HKDC1: variants seen among roughly 807,000 people sequenced by gnomAD.
HKDC1 encodes the protein hexokinase HKDC1.
A neutral mutation model predicts 96.6 loss-of-function variants in HKDC1; 66 were observed. The observed-to-expected ratio is 0.68, with a 90% CI of 0.56 to 0.84. The LOEUF (loss-of-function observed/expected upper bound fraction) is 0.84. Among genes scored for constraint, HKDC1 ranks in the 40% least tolerant of loss-of-function variants. HKDC1 has a pLI of 0.00. For synonymous variants in HKDC1, 466 were observed against 473.1 expected (o/e 0.98, Z 0.20); for missense variants, 1,211 against 1,208.1 (o/e 1.00, Z -0.04).
chr10:69,266,445 A>G (rs1205023220), intron 17 of HKDC1, among the ~76,000 whole-genome samples, 165 bp from the exon 18 acceptor site: 2 of 142,872 alleles, frequency 1.4e-5, no homozygotes, highest in African/African-American at 5.3e-5. Flanking sequence ...ACCCTGGGCA[A>G]CAGAGTGAGA....
intron 14 of HKDC1, 90 bp from the exon 15 acceptor site, chr10:69,258,686 A>G: frequency 7.4e-7 from 1 of 1,346,112 alleles, no homozygotes; most frequent in Non-Finnish European, 1.1e-6. Flanking sequence ...ATCTGACTCC[A>G]AGCTTAAATT....
intron 6 of HKDC1, among the ~76,000 whole-genome samples, chr10:69,241,410 C>T (rs1027361012): frequency 1.1e-4 from 16 of 152,082 alleles, no homozygotes; most frequent in East Asian, 5.8e-4. Context: ...GTAAGGTCAC[C>T]GGCTTATCCC....
chr10:69,252,410 C>A (rs1052533207), intron 12 of HKDC1, among the ~76,000 whole-genome samples: 1 of 152,064 alleles, frequency 6.6e-6, no homozygotes, highest in Non-Finnish European at 1.5e-5. Flanking sequence ...CTTTGGGAGG[C>A]CAAGACGGGT....
chr10:69,229,852 A>G (rs1168605424), intron 2 of HKDC1, among the ~76,000 whole-genome samples: 1 of 152,142 alleles, frequency 6.6e-6, no homozygotes, highest in Non-Finnish European at 1.5e-5. Flanking sequence ...TGTTCTTGGT[A>G]AATCCCGGCA....
At chr10:69,227,864 G>A (rs1372499460) in intron 2 of HKDC1, among the ~76,000 whole-genome samples, 1 of 152,176 alleles carries the variant, frequency 6.6e-6, no homozygotes, top group Non-Finnish European at 1.5e-5. Flanking sequence ...GAATGATGTA[G>A]TGGAAATCAC....
intron 16 of HKDC1, chr10:69,261,915 C>A: frequency 4.7e-6 from 1 of 211,708 alleles, no homozygotes. Flanking sequence ...TGGATTGCAG[C>A]ATTTAGCATT....
At chr10:69,262,974 G>A (rs1170157107) in intron 16 of HKDC1, among the ~76,000 whole-genome samples, 1 of 151,856 alleles carries the variant, frequency 6.6e-6, no homozygotes, top group African/African-American at 2.4e-5. Flanking sequence ...AGCACAAGGT[G>A]GTAACACTCT....
Position 69,240,750 on chromosome 10 carries a change from C to G in HKDC1, c.690C>G (p.Ile230Met). ...DDPYCEVGVI[I>M]GTGTNACYME... ...CCTACTGCGAAGTTGGTGTCATCATCGGTAACTCAATTGGACTGGTTTTTT... is the reference window on the plus strand; with the variant it reads ...CCTACTGCGAAGTTGGTGTCATCATGGGTAACTCAATTGGACTGGTTTTTT... Residue 230 changes from isoleucine (I) to methionine (M), a missense_variant and splice_region_variant, in exon 6 of 18, where the codon ATC (isoleucine) becomes ATG (methionine). Transcript: ENST00000354624. The G allele has an allele frequency of 6.2e-7, 1 of 1,611,886 alleles. No individual in the cohort carries two copies. Among genetic ancestry groups the G allele is most frequent in the Non-Finnish European group, 8.5e-7 (1 of 1,178,072 alleles).
intron 11 of HKDC1, 22 bp from the exon 12 acceptor site, chr10:69,250,511 G>A: frequency 5.0e-6 from 8 of 1,613,830 alleles, no homozygotes; most frequent in Non-Finnish European, 6.8e-6. Context: ...TGGTGTGAAT[G>A]CCGCTCTCTC....
Position 69,233,119 on chromosome 10 carries a change from A to G in HKDC1, c.481A>G (p.Thr161Ala). The G allele has an allele frequency of 6.2e-7, 1 of 1,614,058 alleles. No homozygotes were observed. The highest frequency in any genetic ancestry group is 8.5e-7 in the Non-Finnish European group (1 of 1,180,008). Residue 161 changes from threonine (T) to alanine (A), a missense_variant, in exon 4 of 18, where the codon ACT becomes GCT. Transcript: ENST00000354624. The stretch of plus-strand genomic sequence containing the variant: ...AACTTTTTCTTTCCCCTGTCGACAG[A>G]CTAAACTGGAAGAGGTAAGGCGCGG... The part of the protein sequence containing the change: ...GLTFSFPCRQ[T>A]KLEEGVLLSW...
intron 9 of HKDC1, among the ~76,000 whole-genome samples, 178 bp from the exon 10 acceptor site, chr10:69,248,246 T>A (rs539091189): frequency 2.0e-5 from 3 of 152,276 alleles, no homozygotes; most frequent in African/African-American, 7.2e-5. Flanking sequence ...TGCCTTCCAC[T>A]GCCCCAGCTT....
intron 6 of HKDC1, among the ~76,000 whole-genome samples, chr10:69,242,088 C>T (rs1290309071): frequency 3.3e-5 from 5 of 152,222 alleles, no homozygotes; most frequent in African/African-American, 7.2e-5. Flanking sequence ...CTTTACCACT[C>T]CTGGGGAAAG....
chr10:69,248,953 A>G, intron 10 of HKDC1: 1 of 543,854 alleles, frequency 1.8e-6, no homozygotes, highest in Non-Finnish European at 3.2e-6. Context: ...CAAAAAGCCT[A>G]CATTAGGTTA....
In HKDC1 at chr10:69,220,336, C is replaced by G; in HGVS notation, c.-100C>G. 1 of 861,822 alleles carries G rather than the reference C, an allele frequency of 1.2e-6. No individual in the cohort carries two copies. The highest frequency in any genetic ancestry group is 1.7e-6 in the Non-Finnish European group (1 of 579,930). 53.4% of individuals were successfully genotyped at this position (861,822 alleles called of 1,614,324 possible). On this transcript the variant is annotated 5_prime_UTR_variant, in exon 1 of 18. Coordinates refer to ENST00000354624, the MANE Select transcript of HKDC1 (RefSeq NM_025130.4). ...CGCAACACCTCGCTCCCCAGGAGGT[C>G]TGCCAGCCTGGACTGGAAGCGTGCA...
chr10:69,226,654 T>TA (rs5785900), intron 1 of HKDC1, among the ~76,000 whole-genome samples: 62,561 of 147,034 alleles, frequency 0.43, 15,512 homozygotes, highest in Non-Finnish European at 0.58. Context: ...GACTCTGTCT[T>TA]AAAAAAAAAA....
intron 2 of HKDC1, among the ~76,000 whole-genome samples, 193 bp downstream of exon 2, chr10:69,227,562 C>T (rs1417847622): frequency 3.3e-5 from 5 of 152,126 alleles, no homozygotes; most frequent in South Asian, 2.1e-4. Context: ...CCCCAGGCAC[C>T]GTGGCTTCTC....
chr10:69,251,315 T>C (rs562749019), intron 12 of HKDC1, among the ~76,000 whole-genome samples: 3 of 152,124 alleles, frequency 2.0e-5, no homozygotes, highest in East Asian at 1.9e-4. Flanking sequence ...AGGCTGGTCA[T>C]GAACTCCTGA....
intron 15 of HKDC1, 111 bp downstream of exon 15, chr10:69,259,070 A>C: frequency 2.4e-6 from 2 of 833,080 alleles, no homozygotes; most frequent in Non-Finnish European, 3.4e-6. Context: ...CAGCTGTCGA[A>C]TGTCAGTGAA....
chr10:69,237,482 T>C (rs1843380903), intron 4 of HKDC1, among the ~76,000 whole-genome samples: 1 of 152,222 alleles, frequency 6.6e-6, no homozygotes, highest in Non-Finnish European at 1.5e-5. Flanking sequence ...CATACCTATA[T>C]TAAATACAAG....
Sources: allele counts gnomAD v4.1 joint callset (sites outside exome capture counted in the v4.1 genomes callset), GRCh38; gene constraint gnomAD v4.1.1; transcripts MANE v1.5; gene names NCBI Gene and HGNC (gene_info 2026-07-23, HGNC 2026-07-21).